The following ARHGAP25 variants were observed in gnomAD, a reference collection of about 807,000 sequenced individuals.
ARHGAP25 encodes rho GTPase-activating protein 25.
Under a neutral mutation model 71.0 loss-of-function variants are expected in ARHGAP25, and 34 were observed. The observed-to-expected ratio is 0.48, with a 90% CI of 0.36 to 0.64. The LOEUF (loss-of-function observed/expected upper bound fraction) is 0.64. ARHGAP25 is among the 30% of genes least tolerant of loss of function. The probability of loss-of-function intolerance (pLI) is 0.00; values close to 1 mark genes in which losing one functional copy is unlikely to be tolerated. For synonymous variants in ARHGAP25, 282 were observed against 296.5 expected (o/e 0.95, Z 0.50); for missense variants, 706 against 805.1 (o/e 0.88, Z 1.49).
At chr2:68,744,564 G>A (rs555218962) in intron 1 of ARHGAP25, among the ~76,000 whole-genome samples, 1 of 152,304 alleles carries the variant, frequency 6.6e-6, no homozygotes, top group African/African-American at 2.4e-5. Flanking sequence ...CAGTGTGACT[G>A]TGACTGTGAC....
chr2:68,803,932 G>A lies in ARHGAP25; in HGVS notation c.467-3341G>A, dbSNP rs183283909. On this transcript the variant is annotated intron_variant, in intron 4 of 10. Coordinates refer to ENST00000409202, the MANE Select transcript of ARHGAP25 (RefSeq NM_001007231.3). ...ACCAGTGTCTTGCAGAGATTGGAAG[G>A]ATAAATTTCCACAATATGGTTGTGC... Among the ~76,000 whole-genome samples the A allele has an allele frequency of 2.4e-4, 37 of 152,330 alleles. 1 individual carries two copies. The highest frequency in any genetic ancestry group is 2.2e-3 in the Admixed American group (33 of 15,294).
chr2:68,806,921 C>T (rs1680415244), intron 4 of ARHGAP25, among the ~76,000 whole-genome samples: 1 of 152,142 alleles, frequency 6.6e-6, no homozygotes, highest in Non-Finnish European at 1.5e-5. Flanking sequence ...GTCTAAGGCT[C>T]AGTGTCTTTA....
In ARHGAP25 at chr2:68,716,485, C is replaced by T. The variant is rs572588676; in HGVS notation, c.-18+5787C>T. Among the ~76,000 whole-genome samples the T allele has an allele frequency of 1.5e-4, 23 of 152,288 alleles. No homozygotes were observed. In the South Asian group the frequency reaches 4.6e-3, roughly 30 times the overall value. On this transcript the variant is annotated intron_variant and NMD_transcript_variant, in intron 2 of 7. Coordinates refer to the ARHGAP25 transcript ENST00000463483. The stretch of plus-strand genomic sequence containing the variant: ...AGATGGGGACACTGTGGTGAGTCAA[C>T]TTGATGGGGAGGGGCTCTCAGAGCT...
chr2:68,743,773 T>A (rs72893981), intron 1 of ARHGAP25, among the ~76,000 whole-genome samples: 52 of 152,178 alleles, frequency 3.4e-4, no homozygotes, highest in African/African-American at 1.2e-3. Flanking sequence ...CTTTCCCAGG[T>A]AGAGTGACAG....
chr2:68,818,722 T>A (rs770130433), intron 8 of ARHGAP25, among the ~76,000 whole-genome samples: 1 of 152,264 alleles, frequency 6.6e-6, no homozygotes, highest in African/African-American at 2.4e-5. Context: ...AGTACTGATA[T>A]CTGCCATGGG....
At chr2:68,727,722 A>G (rs1221246196) in intron 2 of ARHGAP25, among the ~76,000 whole-genome samples, 1 of 152,258 alleles carries the variant, frequency 6.6e-6, no homozygotes, top group African/African-American at 2.4e-5. Flanking sequence ...AGGCAGCTGG[A>G]ATAGGATTGC....
At chr2:68,719,367 G>T (rs987465353) in intron 2 of ARHGAP25, among the ~76,000 whole-genome samples, 1 of 149,340 alleles carries the variant, frequency 6.7e-6, no homozygotes, top group Non-Finnish European at 1.5e-5. Flanking sequence ...CAGGTAGATA[G>T]TGTCAGAACC....
chr2:68,725,459 C>T (rs908749458), intron 2 of ARHGAP25, among the ~76,000 whole-genome samples: 1 of 151,976 alleles, frequency 6.6e-6, no homozygotes, highest in Non-Finnish European at 1.5e-5. Context: ...TGAGTAGCGG[C>T]GATTACAGGT....
chr2:68,720,339 G>T (rs918728558), intron 2 of ARHGAP25, among the ~76,000 whole-genome samples: 8 of 134,650 alleles, frequency 5.9e-5, no homozygotes, highest in African/African-American at 1.1e-4. Flanking sequence ...AAAAAGAAAA[G>T]AAAAGAAAAG....
At chr2:68,806,825 C>T (rs749470256) in intron 4 of ARHGAP25, among the ~76,000 whole-genome samples, 5 of 152,158 alleles carry the variant, frequency 3.3e-5, no homozygotes, top group South Asian at 2.1e-4. Flanking sequence ...TGCTTGCTGC[C>T]GTGGTTAAGG....
At chr2:68,732,575 G>T (rs1178788175), upstream of ARHGAP25, among the ~76,000 whole-genome samples, 1 of 152,232 alleles carries the variant, frequency 6.6e-6, no homozygotes, top group Non-Finnish European at 1.5e-5. Flanking sequence ...AGCTCCCTGG[G>T]GAGGCTGGAG....
intron 2 of ARHGAP25, among the ~76,000 whole-genome samples, chr2:68,717,044 A>G (rs948354629): frequency 6.6e-6 from 1 of 152,216 alleles, no homozygotes; most frequent in African/African-American, 2.4e-5. Context: ...AGGTGATTTC[A>G]TTGTGCAAAT....
rs537626204 is a variant in ARHGAP25, at chr2:68,735,130, A to G, written c.-70A>G. On this transcript the variant is annotated 5_prime_UTR_variant, in exon 1 of 11. Transcript: ENST00000409202. The stretch of plus-strand genomic sequence containing the variant: ...ACACAAAAACAGAGGGAAAGAGTGA[A>G]AAGACAAGAAGGGCGCAAACTGTGA... 6.9e-6 allele frequency: 9 copies of G among 1,308,292 alleles called. No homozygotes were observed. In the African/African-American group the frequency reaches 8.8e-5, roughly 13 times the overall value. The allele number at this position is 1,308,292 out of a possible 1,614,324, so 81.0% of individuals were successfully genotyped here.
In ARHGAP25 at chr2:68,826,005, T is replaced by G. The variant is rs759603939; in HGVS notation, c.1752T>G (p.Tyr584Ter). 1 of 1,612,806 alleles carries G rather than the reference T, an allele frequency of 6.2e-7. No homozygotes were observed. The highest frequency in any genetic ancestry group is 1.7e-5 in the Admixed American group (1 of 59,682). The change falls in exon 11 of 11, where the codon TAT (tyrosine) becomes TAG (stop). Residue 584 changes from tyrosine (Y) to a stop codon, truncating the protein, a stop_gained. Transcript: ENST00000409202. LOFTEE classifies it high-confidence loss of function. ...CTTGTAGCCTTGAGAAGGAAAATTA[T>G]GACGTTTGGGCTAAAGTGGTGAGGC... is the stretch of plus-strand genomic sequence containing the variant. ...EQIKNLEKEN[Y>*]DVWAKVVRLN...
In ARHGAP25 at chr2:68,735,539, T is replaced by G. The variant is rs921214781; in HGVS notation, c.61+279T>G. The G allele has an allele frequency of 7.6e-6, 4 of 527,772 alleles. No homozygotes were observed. In the African/African-American group the frequency reaches 7.7e-5, roughly 10 times the overall value. 32.7% of individuals were successfully genotyped at this position (527,772 alleles called of 1,614,324 possible). A position where few individuals can be genotyped will look rare whatever the true frequency, so the allele number is the denominator to read the frequency against. ...TAAGGCTACAGACTACACACAAAAC[T>G]GTGAGTTTTTAGCATATTCCATTTC... is the stretch of plus-strand genomic sequence containing the variant. On this transcript the variant is annotated intron_variant, in intron 1 of 10. Coordinates refer to ENST00000409202, the MANE Select transcript of ARHGAP25 (RefSeq NM_001007231.3).
At chr2:68,806,059 G>A (rs1225273150) in intron 4 of ARHGAP25, among the ~76,000 whole-genome samples, 2 of 152,182 alleles carry the variant, frequency 1.3e-5, no homozygotes, top group Admixed American at 6.5e-5. Flanking sequence ...AGCTGGGGTG[G>A]AGCTGGCCCA....
chr2:68,789,573 G>A (rs1380049247), intron 4 of ARHGAP25, among the ~76,000 whole-genome samples: 1 of 152,052 alleles, frequency 6.6e-6, no homozygotes, highest in African/African-American at 2.4e-5. Flanking sequence ...ACATAATTAG[G>A]CCACATGCTG....
chr2:68,750,155 C>A (rs972678026), intron 1 of ARHGAP25, among the ~76,000 whole-genome samples: 1 of 146,010 alleles, frequency 6.8e-6, no homozygotes, highest in Non-Finnish European at 1.5e-5. Flanking sequence ...CACAGGCGTG[C>A]ACCGCCATGC....
intron 5 of ARHGAP25, among the ~76,000 whole-genome samples, chr2:68,810,530 T>A (rs770231296): frequency 2.0e-5 from 3 of 152,220 alleles, no homozygotes; most frequent in Non-Finnish European, 4.4e-5. Flanking sequence ...TGTTGTAAGA[T>A]GATTTATATA....
Sources: gnomAD v4.1 joint callset for allele counts (sites outside exome capture counted in the v4.1 genomes callset) on GRCh38, gnomAD v4.1.1 for gene constraint, MANE v1.5 for transcripts, NCBI Gene and HGNC (gene_info 2026-07-23, HGNC 2026-07-21) for gene names.